Variants in TEX15 observed in about 807,000 individuals in gnomAD.
TEX15 encodes testis-expressed protein 15.
In TEX15, 171 loss-of-function variants were observed where a neutral mutation model predicts 237.3. The observed-to-expected ratio is 0.72, with a 90% CI of 0.64 to 0.82. The LOEUF (loss-of-function observed/expected upper bound fraction) is 0.82. Ranked by LOEUF, TEX15 falls within the 40% of genes least tolerant of loss-of-function variation. TEX15 has a pLI of 0.00. For missense variants in TEX15, 3,750 were observed against 3,646.5 expected, an observed-to-expected ratio of 1.03 and a Z score of -0.73; for synonymous variants, 1,338 against 1,269.8, an observed-to-expected ratio of 1.05 and a Z score of -1.14.
chr8:30,848,471 G>T lies in TEX15; in HGVS notation c.1696C>A (p.Gln566Lys). 6.2e-7 allele frequency: 1 copy of T among 1,614,090 alleles called. No homozygotes were observed. Among genetic ancestry groups the T allele is most frequent in the Non-Finnish European group, 8.5e-7 (1 of 1,179,990 alleles). ...TTTGTATAAGCATTACCGGACTCCT[G>T]TTGGGCTCTCTGAGCCTTCTCCTCA... ...HSEEKAQRAQ[Q>K]ESGNAYTKEY... The change falls in exon 8 of 11, where the codon CAG becomes AAG. Residue 566 changes from glutamine to lysine, a missense_variant. By Grantham distance (53) the Gln-to-Lys change is moderately conservative (BLOSUM62 1). Transcript: ENST00000643185.
Position 30,845,021 on chromosome 8 carries a change from TG to T in TEX15, c.5145del (p.Tyr1715Ter). 6.2e-7 allele frequency: 1 copy of T among 1,613,644 alleles called. No homozygotes were observed. Among genetic ancestry groups the T allele is most frequent in the African/African-American group, 1.3e-5 (1 of 75,036 alleles). ...GCAGCGGCTGATAACTGAGGAATAC[TG>T]TACTTTTTACTTGCTATCAAAGTTA... ...LNLTLIASKKYSIPQLSAAAV... is the reference protein window; with the variant it reads ...LNLTLIASKKXSIPQLSAAAV... On this transcript the variant is annotated frameshift_variant, in exon 8 of 11. Coordinates refer to ENST00000643185, the MANE Select transcript of TEX15 (RefSeq NM_001350162.2). LOFTEE classifies it high-confidence loss of function.
chr8:30,909,143 TACTC>T (rs2128780446), intron 1 of TEX15, among the ~76,000 whole-genome samples: 1 of 152,092 alleles, frequency 6.6e-6, no homozygotes, highest in East Asian at 1.9e-4. Flanking sequence ...ACAAACTAGA[TACTC>T]AAATCAGTTA....
chr8:30,880,768 T>C (rs1808502739), intron 3 of TEX15, among the ~76,000 whole-genome samples: 1 of 143,434 alleles, frequency 7.0e-6, no homozygotes. Flanking sequence ...GTGAGTTATA[T>C]GCAGATTTTT....
intron 2 of TEX15, among the ~76,000 whole-genome samples, chr8:30,889,959 A>G (rs1401471455): frequency 1.4e-5 from 2 of 146,000 alleles, no homozygotes; most frequent in African/African-American, 5.0e-5. Context: ...ATATACATAT[A>G]TATATATATG....
intron 6 of TEX15, 128 bp downstream of exon 6, chr8:30,859,783 A>C (rs1808001833): frequency 1.5e-6 from 1 of 689,536 alleles, no homozygotes; most frequent in African/African-American, 1.9e-5. Flanking sequence ...AATAGCTTTC[A>C]CTGTTTGCTT....
intron 1 of TEX15, among the ~76,000 whole-genome samples, chr8:30,902,246 T>C (rs1809023426): frequency 6.6e-6 from 1 of 151,456 alleles, no homozygotes; most frequent in African/African-American, 2.4e-5. Flanking sequence ...TTTTCCTTAA[T>C]GTATCAGGAA....
chr8:30,847,243 G>C lies in TEX15; in HGVS notation c.2924C>G (p.Ser975Cys). The change falls in exon 8 of 11, where the codon TCT (serine) becomes TGT (cysteine). Residue 975 changes from serine (S) to cysteine (C), a missense_variant. By Grantham distance (112) the Ser-to-Cys change is moderately radical (BLOSUM62 -1). Transcript: ENST00000643185. ...ASTTFPKTAS[S>C]SVCVASNAAI... is the part of the protein sequence containing the mutation. ...AGCATTTGAGGCTACACACACTGAA[G>C]AACTTGCAGTTTTGGGAAATGTCGT... 2 of 1,613,936 alleles carry C rather than the reference G, an allele frequency of 1.2e-6. No individual in the cohort carries two copies. The highest frequency in any genetic ancestry group is 1.7e-6 in the Non-Finnish European group (2 of 1,179,842).
Position 30,842,955 on chromosome 8 carries a change from G to GT in TEX15, c.7211dup (p.Tyr2404Ter). Residue 2404 changes from tyrosine (Y) to a stop codon, truncating the protein, a stop_gained and frameshift_variant, in exon 8 of 11, where the codon TAC becomes TAAC. Coordinates refer to ENST00000643185, the MANE Select transcript of TEX15 (RefSeq NM_001350162.2). LOFTEE classifies it high-confidence loss of function. Reference sequence around the variant, plus strand: ...TGTTATTATCTTGTAGCATCTGAAAGTATTTTTTTAAAATTTCTAAGTGAT... The same window carrying GT: ...TGTTATTATCTTGTAGCATCTGAAAGTTATTTTTTTAAAATTTCTAAGTGAT... ...CTDHLEILKK[Y>*]FQMLQDNNMD... 1.2e-6 allele frequency: 2 copies of GT among 1,610,706 alleles called. No individual in the cohort carries two copies. Among genetic ancestry groups the GT allele is most frequent in the Non-Finnish European group, 1.7e-6 (2 of 1,178,912 alleles).
chr8:30,838,105 G>A (rs1321590362), intron 9 of TEX15, 44 bp from the exon 10 acceptor site: 2 of 1,471,658 alleles, frequency 1.4e-6, no homozygotes, highest in Non-Finnish European at 1.8e-6. Context: ...TAAATATATA[G>A]GGTCATAAAA....
At chr8:30,852,870 A>C (rs1019989225) in intron 7 of TEX15, among the ~76,000 whole-genome samples, 2 of 152,242 alleles carry the variant, frequency 1.3e-5, no homozygotes, top group African/African-American at 4.8e-5. Flanking sequence ...GCTACTAGCC[A>C]CATGTGGTTA....
At chr8:30,881,150 C>T (rs1484955849) in intron 3 of TEX15, among the ~76,000 whole-genome samples, 2 of 152,144 alleles carry the variant, frequency 1.3e-5, no homozygotes, top group South Asian at 2.1e-4. Context: ...ACTCCATTTG[C>T]TAATATTGTT....
intron 2 of TEX15, among the ~76,000 whole-genome samples, chr8:30,890,312 A>G (rs1203333801): frequency 2.0e-5 from 3 of 152,174 alleles, no homozygotes; most frequent in Admixed American, 2.0e-4. Context: ...TTAGGAAAAA[A>G]GCTACCAAAA....
chr8:30,880,216 A>G (rs1291363712), intron 3 of TEX15, among the ~76,000 whole-genome samples: 1 of 117,848 alleles, frequency 8.5e-6, no homozygotes, highest in African/African-American at 6.2e-5. Flanking sequence ...TTTTTAGTAG[A>G]GACGGGGTTT....
At position 30,845,233 on chromosome 8, in the gene TEX15, G is replaced by C. The variant is rs115550830; in HGVS notation, c.4934C>G (p.Ala1645Gly). Residue 1645 changes from alanine (A) to glycine (G), a missense_variant, in exon 8 of 11, where the codon GCG becomes GGG. Transcript: ENST00000643185. Reference protein sequence around the residue: ...CDATCIGHTKAKTDVLISVLD... With the variant: ...CDATCIGHTKGKTDVLISVLD... ...GACTGATATAAGTACGTCAGTTTTC[G>C]CCTTTGTGTGACCTATGCAAGTTGC... 1 of 1,613,394 alleles carries C rather than the reference G, an allele frequency of 6.2e-7. No individual in the cohort carries two copies. The highest frequency in any genetic ancestry group is 1.3e-5 in the African/African-American group (1 of 74,996).
rs1277231091 is a variant in TEX15 at position 30,846,249 on chromosome 8, T to G, written c.3918A>C (p.Ile1306=). The G allele has an allele frequency of 6.2e-7, 1 of 1,613,442 alleles. No individual in the cohort carries two copies. The highest frequency in any genetic ancestry group is 1.3e-5 in the African/African-American group (1 of 74,908). Residue 1306 remains isoleucine (I), a synonymous_variant, in exon 8 of 11, where the codon ATA becomes ATC. Coordinates refer to ENST00000643185, the MANE Select transcript of TEX15 (RefSeq NM_001350162.2). ...ESRISKRKLH[I]SSRDQNIPHK... ...GTGGTATGTTCTGATCCCTGGAAGA[T>G]ATATGTAGCTTCCTTTTGCTAATTC...
chr8:30,842,822 C>A lies in TEX15; in HGVS notation c.7345G>T (p.Val2449Phe), dbSNP rs753475065. 3.1e-6 allele frequency: 5 copies of A among 1,613,002 alleles called. No individual in the cohort carries two copies. The South Asian group carries it at 5.5e-5, about 18-fold the overall frequency. Residue 2449 changes from valine (V) to phenylalanine (F), a missense_variant, in exon 8 of 11, where the codon GTC becomes TTC. By Grantham distance (50) the Val-to-Phe change is conservative. Transcript: ENST00000643185. ...AAGTGAATTGTTTCTGAGACCATGA[C>A]GATTTCAATATACATTTCAATAGCT... ...PEAIEMYIEI[V>F]MVSETIHFLK...
At chr8:30,906,541 G>T (rs187199144) in intron 1 of TEX15, among the ~76,000 whole-genome samples, 159 of 148,768 alleles carry the variant, frequency 1.1e-3, no homozygotes, top group Middle Eastern at 0.011. Context: ...GGTGAGCCGA[G>T]ATTGTGCCAC....
chr8:30,878,986 T>C (rs530175743), intron 3 of TEX15, among the ~76,000 whole-genome samples: 1 of 152,360 alleles, frequency 6.6e-6, no homozygotes, highest in Non-Finnish European at 1.5e-5. Flanking sequence ...AAGTATATAG[T>C]TACATCTCAT....
rs921654962 is a variant in TEX15 at position 30,843,475 on chromosome 8, T to C, written c.6692A>G (p.Tyr2231Cys). ...VCGDSPKVHS[Y>C]PGKQDHLWII... ...CCACAGATGGTCCTGTTTTCCTGGA[T>C]ACGAATGAACTTTAGGAGAGTCCCC... Residue 2231 changes from tyrosine (Y) to cysteine (C), a missense_variant, in exon 8 of 11, where the codon TAT becomes TGT. By Grantham distance (194) the Tyr-to-Cys change is radical. Coordinates refer to ENST00000643185, the MANE Select transcript of TEX15 (RefSeq NM_001350162.2). 1 of 1,612,850 alleles carries C rather than the reference T, an allele frequency of 6.2e-7. No homozygotes were observed. The highest frequency in any genetic ancestry group is 1.7e-5 in the Admixed American group (1 of 59,904).
Sources: allele counts gnomAD v4.1 joint callset (sites outside exome capture counted in the v4.1 genomes callset), GRCh38; gene constraint gnomAD v4.1.1; transcripts MANE v1.5; gene names NCBI Gene and HGNC (gene_info 2026-07-23, HGNC 2026-07-21).